The following OR7C1 variants were observed in gnomAD, a reference collection of about 807,000 sequenced individuals.
The protein encoded by OR7C1 is olfactory receptor 7C1.
For synonymous variants in OR7C1, 152 were observed against 160.7 expected, an observed-to-expected ratio of 0.95 and a Z score of 0.41; for missense variants, 324 against 383.3, an observed-to-expected ratio of 0.85 and a Z score of 1.29.
At chr19:14,827,804 T>A (rs2190686) in intron 1 of OR7C1, 1 of 1,613,810 alleles carries the variant, frequency 6.2e-7, no homozygotes, top group Admixed American at 1.7e-5. Flanking sequence ...TCCAGGATGC[T>A]AGAACCAGCA....
chr19:14,816,708 G>A (rs929665650), intron 1 of OR7C1, among the ~76,000 whole-genome samples: 2 of 152,138 alleles, frequency 1.3e-5, no homozygotes, highest in Non-Finnish European at 2.9e-5. Flanking sequence ...GATAATGTGA[G>A]TCAATACTCC....
chr19:14,834,652 C>T (rs1039849873), intron 1 of OR7C1, among the ~76,000 whole-genome samples: 8 of 149,300 alleles, frequency 5.4e-5, no homozygotes, highest in Admixed American at 2.7e-4. Flanking sequence ...ATTTTTCTCA[C>T]GGGCATAGAA....
chr19:14,815,933 C>T (rs1452805053), intron 1 of OR7C1, among the ~76,000 whole-genome samples: 1 of 152,018 alleles, frequency 6.6e-6, no homozygotes, highest in Non-Finnish European at 1.5e-5. Flanking sequence ...ACGATCCTCC[C>T]ACCTCAACCT....
chr19:14,800,078 G>T (rs1282493141), exon 5 of OR7C1: 1 of 1,603,164 alleles, frequency 6.2e-7, no homozygotes, highest in Non-Finnish European at 8.5e-7. Context: ...AATCTCTGAC[G>T]TTGCTGAAAA....
chr19:14,820,204 G>A (rs765490000), intron 1 of OR7C1, among the ~76,000 whole-genome samples: 15 of 152,146 alleles, frequency 9.9e-5, no homozygotes, highest in Admixed American at 7.2e-4. Context: ...GAGCCACTGC[G>A]CCGGGATAGA....
At chr19:14,822,602 T>C (rs1279682424) in intron 1 of OR7C1, among the ~76,000 whole-genome samples, 1 of 151,990 alleles carries the variant, frequency 6.6e-6, no homozygotes, top group Non-Finnish European at 1.5e-5. Context: ...CAGGCTGGTC[T>C]TCAACTCTTG....
intron 1 of OR7C1, among the ~76,000 whole-genome samples, chr19:14,821,825 C>G (rs532306049): frequency 6.6e-6 from 1 of 152,352 alleles, no homozygotes; most frequent in South Asian, 2.1e-4. Flanking sequence ...GTTAGCATCT[C>G]CCTGTATCTT....
In OR7C1 at chr19:14,829,143, T is replaced by A. The variant is rs541810659; in HGVS notation, c.-623+5931A>T. Reference sequence around the variant, plus strand: ...AGACAGGGCAAGATTCATGAAGTTATCTGTTGAAGTGGGTGCCTGGCAGGA... The same window carrying A: ...AGACAGGGCAAGATTCATGAAGTTAACTGTTGAAGTGGGTGCCTGGCAGGA... On this transcript the variant is annotated intron_variant, in intron 1 of 4. Coordinates refer to ENST00000641666, the Ensembl canonical transcript of OR7C1. Among the ~76,000 whole-genome samples the A allele has an allele frequency of 4.6e-5, 7 of 152,332 alleles. No individual in the cohort carries two copies. The South Asian group carries it at 1.4e-3, about 32-fold the overall frequency.
chr19:14,806,809 T>C (rs1206572424), intron 2 of OR7C1, among the ~76,000 whole-genome samples: 1 of 151,976 alleles, frequency 6.6e-6, no homozygotes, highest in Non-Finnish European at 1.5e-5. Flanking sequence ...GTTGATTCCA[T>C]GTCTTTGATA....
At chr19:14,829,350 T>C (rs899499609) in intron 1 of OR7C1, among the ~76,000 whole-genome samples, 5 of 152,182 alleles carry the variant, frequency 3.3e-5, no homozygotes, top group Admixed American at 3.3e-4. Context: ...ATTACAGGCA[T>C]GCACCACCAC....
chr19:14,799,501 A>G (rs768111515), exon 5 of OR7C1: 1 of 1,614,194 alleles, frequency 6.2e-7, no homozygotes. Context: ...AAAATATTCC[A>G]GTGAAGGAAA....
chr19:14,802,392 C>T (rs1449518982), intron 2 of OR7C1, among the ~76,000 whole-genome samples: 3 of 152,160 alleles, frequency 2.0e-5, no homozygotes, highest in East Asian at 1.9e-4. Context: ...TGGTGGCACA[C>T]GCCTGTAATC....
At chr19:14,824,130 C>T (rs1482932464) in intron 1 of OR7C1, 3 of 152,134 alleles carry the variant, frequency 2.0e-5, no homozygotes, top group African/African-American at 4.8e-5. Context: ...TGGCTTTCAC[C>T]CAAGGGACAG....
intron 1 of OR7C1, chr19:14,826,089 A>G (rs1234002135): frequency 6.6e-6 from 1 of 152,170 alleles, no homozygotes; most frequent in Non-Finnish European, 1.5e-5. Flanking sequence ...AATGAGATGT[A>G]TGTTTTTTGC....
chr19:14,830,339 G>C (rs1468571636), intron 1 of OR7C1, among the ~76,000 whole-genome samples: 1 of 152,134 alleles, frequency 6.6e-6, no homozygotes, highest in African/African-American at 2.4e-5. Context: ...CAGAGTGAGA[G>C]AAATTAAACA....
rs1468577708 is a variant in OR7C1, at chr19:14,827,830, G to C, written c.-623+7244C>G. 4 of 1,614,126 alleles carry C rather than the reference G, an allele frequency of 2.5e-6. No homozygotes were observed. Among genetic ancestry groups the C allele is most frequent in the Admixed American group, 1.7e-5 (1 of 60,014 alleles). ...AGAACCAGCAGTCCACAGAGGTGAG[G>C]GTTCATAATGACCATGTAGTGCAGG... On this transcript the variant is annotated intron_variant, in intron 1 of 4. Coordinates refer to ENST00000641666, the Ensembl canonical transcript of OR7C1.
intron 1 of OR7C1, among the ~76,000 whole-genome samples, chr19:14,830,595 A>G (rs900501916): frequency 3.9e-5 from 6 of 152,192 alleles, no homozygotes; most frequent in Non-Finnish European, 2.9e-5. Flanking sequence ...GAATTCTGAC[A>G]TCTTTATTGA....
intron 1 of OR7C1, among the ~76,000 whole-genome samples, chr19:14,834,723 T>G (rs1599929131): frequency 6.6e-6 from 1 of 152,174 alleles, no homozygotes; most frequent in Admixed American, 6.5e-5. Context: ...TGACTGTATA[T>G]CCCTCCACAG....
chr19:14,834,354 A>T (rs2044863857), intron 1 of OR7C1, among the ~76,000 whole-genome samples: 1 of 152,154 alleles, frequency 6.6e-6, no homozygotes, highest in South Asian at 2.1e-4. Flanking sequence ...AGTGTTTCTC[A>T]ATCTCAGCAC....
Sources: allele counts gnomAD v4.1 joint callset (sites outside exome capture counted in the v4.1 genomes callset), GRCh38; gene constraint gnomAD v4.1.1; transcripts MANE v1.5; gene names NCBI Gene and HGNC (gene_info 2026-07-23, HGNC 2026-07-21).